The following CDHR2 variants were observed in gnomAD, a reference collection of about 807,000 sequenced individuals.
The protein encoded by CDHR2 is cadherin related family member 2.
A neutral mutation model predicts 138.6 loss-of-function variants in CDHR2; 104 were observed. That is an observed-to-expected ratio of 0.75 (90% CI 0.64 to 0.88). The LOEUF (loss-of-function observed/expected upper bound fraction) is 0.88. Ranked by LOEUF, CDHR2 falls within the 40% of genes least tolerant of loss-of-function variation. The pLI is 0.00. For synonymous variants in CDHR2, 755 were observed against 742.8 expected (o/e 1.02, Z -0.27); for missense variants, 1,624 against 1,727.6 (o/e 0.94, Z 1.06).
At chr5:176,580,953 G>A (rs1413484359) in intron 16 of CDHR2, among the ~76,000 whole-genome samples, 1 of 151,092 alleles carries the variant, frequency 6.6e-6, no homozygotes. Flanking sequence ...AATCTTGCTG[G>A]ACTTCACACT....
chr5:176,558,733 G>A (rs1248381296), intron 1 of CDHR2, among the ~76,000 whole-genome samples: 1 of 151,426 alleles, frequency 6.6e-6, no homozygotes, highest in African/African-American at 2.4e-5. Context: ...TGTTAGCCAG[G>A]ATGGTCTCGA....
chr5:176,565,365 TG>T lies in CDHR2; in HGVS notation c.15del (p.Trp5CysfsTer23), dbSNP rs1440251540. 6.2e-6 allele frequency: 10 copies of T among 1,614,004 alleles called. No homozygotes were observed. Among genetic ancestry groups the T allele is most frequent in the African/African-American group, 1.3e-5 (1 of 74,918 alleles). On this transcript the variant is annotated frameshift_variant, in exon 2 of 32. Transcript: ENST00000261944. LOFTEE classifies it high-confidence loss of function. The stretch of plus-strand genomic sequence containing the variant: ...CCCTGCGGATGTGATGGCCCAGCTA[TG>T]GCTGTCCTGCTTCCTCCTTCCTGCC... MAQL[W>X]LSCFLLPALV...
At chr5:176,547,256 C>T (rs545846463), upstream of CDHR2, among the ~76,000 whole-genome samples, 9 of 152,168 alleles carry the variant, frequency 5.9e-5, no homozygotes, top group African/African-American at 1.7e-4. Context: ...GGATTACAGG[C>T]GCGAGCCACC....
rs756844508 is a variant in CDHR2 at position 176,584,156 on chromosome 5, G to A, written c.2059-34G>A. On this transcript the variant is annotated intron_variant, in intron 17 of 31. Transcript: ENST00000261944. ...ATTGGCTCTGGGGAGGGTGAGATTG[G>A]ATCCCGGGGACTCAGACCTGTCTCT... 8 of 1,592,546 alleles carry A rather than the reference G, an allele frequency of 5.0e-6. No individual in the cohort carries two copies. The East Asian group carries it at 1.1e-4, about 22-fold the overall frequency.
chr5:176,584,666 C>T lies in CDHR2; in HGVS notation c.2385C>T (p.Cys795=), dbSNP rs151175858. Residue 795 remains cysteine (C), a synonymous_variant, in exon 19 of 32, where the codon TGC becomes TGT. Transcript: ENST00000261944. ...GGGGTGAGACCATAGTAGACGTCTG[C>T]GTGAATGTGAAAGACGTGAACGACA... The part of the protein sequence containing the change: ...PQGGETIVDV[C]VNVKDVNDNP... The T allele has an allele frequency of 1.4e-3, 2,321 of 1,614,012 alleles. 4 individuals carry two copies. Among genetic ancestry groups the T allele is most frequent in the Admixed American group, 2.4e-3 (147 of 60,014 alleles).
At chr5:176,575,680 C>A in intron 10 of CDHR2, 44 bp from the exon 11 acceptor site, 1 of 1,595,702 alleles carries the variant, frequency 6.3e-7, no homozygotes, top group Non-Finnish European at 8.6e-7. Flanking sequence ...CCGTCAGAGC[C>A]ACTGGAGCAG....
In CDHR2 at chr5:176,568,729, C is replaced by T. The variant is rs917384712; in HGVS notation, c.176C>T (p.Thr59Ile). The T allele has an allele frequency of 3.7e-6, 6 of 1,614,104 alleles. No individual in the cohort carries two copies. In the African/African-American group the frequency reaches 6.7e-5, roughly 18 times the overall value. ...GAAGACCAGGACAATGACCCTCTGA[C>T]CTATGGGATGAGCGGCCCCAATGCC... ...VAEDQDNDPL[T>I]YGMSGPNAYF... The change falls in exon 4 of 32, where the codon ACC becomes ATC. Residue 59 changes from threonine (T) to isoleucine (I), a missense_variant. Transcript: ENST00000261944.
intron 31 of CDHR2, among the ~76,000 whole-genome samples, chr5:176,595,131 T>C (rs1758990306): frequency 6.6e-6 from 1 of 152,148 alleles, no homozygotes. Context: ...CTCAGAGGGT[T>C]TCAGTGGGTA....
rs1183249041 is a variant in CDHR2 at position 176,581,397 on chromosome 5, C to T, written c.1873C>T (p.Leu625=). Residue 625 remains leucine (L), a synonymous_variant, in exon 17 of 32, where the codon CTG becomes TTG. Transcript: ENST00000261944. Reference sequence around the variant, plus strand: ...CAACAGCCGTCTGCTCTTCAACCTGCTGCCTGGCCCCTACAGCCACAACTT... The same window carrying T: ...CAACAGCCGTCTGCTCTTCAACCTGTTGCCTGGCCCCTACAGCCACAACTT... ...TNNSRLLFNL[L]PGPYSHNFSL... 1.2e-6 allele frequency: 2 copies of T among 1,614,018 alleles called. No homozygotes were observed. The highest frequency in any genetic ancestry group is 1.7e-6 in the Non-Finnish European group (2 of 1,180,044).
In CDHR2 at chr5:176,577,702, C is replaced by T. The variant is rs116171786; in HGVS notation, c.1416C>T (p.Asp472=). 748 of 1,614,230 alleles carry T rather than the reference C, an allele frequency of 4.6e-4. 12 individuals carry two copies. In the East Asian group the frequency reaches 0.013, roughly 28 times the overall value. The change falls in exon 14 of 32, where the codon GAC becomes GAT. Residue 472 remains aspartate, a synonymous_variant. Transcript: ENST00000261944. The part of the protein sequence containing the change: ...SVAMVTIHLR[D]INDHRPTFPQ... Reference sequence around the variant, plus strand: ...CCATGGTGACCATCCACCTTAGAGACATTAATGACCACAGGCCCACGTTTC... The same window carrying T: ...CCATGGTGACCATCCACCTTAGAGATATTAATGACCACAGGCCCACGTTTC...
intron 5 of CDHR2, among the ~76,000 whole-genome samples, chr5:176,569,631 C>T (rs1253393588): frequency 1.3e-5 from 2 of 152,136 alleles, no homozygotes; most frequent in Non-Finnish European, 2.9e-5. Context: ...GTGCCAAATA[C>T]CTCTCCACCC....
intron 15 of CDHR2, 75 bp from the exon 16 acceptor site, chr5:176,578,290 T>C: frequency 7.1e-7 from 1 of 1,411,644 alleles, no homozygotes; most frequent in Admixed American, 2.0e-5. Context: ...GAAATATTTG[T>C]TGTTGTATAT....
intron 31 of CDHR2, among the ~76,000 whole-genome samples, chr5:176,593,658 AT>A (rs1306647978): frequency 6.6e-6 from 1 of 152,070 alleles, no homozygotes. Flanking sequence ...ATCCACCCAC[AT>A]TTTCCCCCAG....
At chr5:176,561,264 C>A (rs543590573) in intron 1 of CDHR2, among the ~76,000 whole-genome samples, 59 of 152,264 alleles carry the variant, frequency 3.9e-4, no homozygotes, top group Middle Eastern at 3.4e-3. Context: ...CAAGGTTATG[C>A]TGGATTTGGA....
Position 176,578,566 on chromosome 5 carries a change from CT to C in CDHR2, c.1778del (p.Phe593SerfsTer11). The C allele has an allele frequency of 6.2e-7, 1 of 1,613,794 alleles. No homozygotes were observed. The highest frequency in any genetic ancestry group is 8.5e-7 in the Non-Finnish European group (1 of 1,180,030). On this transcript the variant is annotated frameshift_variant, in exon 16 of 32. Transcript: ENST00000261944. LOFTEE classifies it high-confidence loss of function. ...CCGTGGTTAGCGGCTCCTACAACAT[CT>C]TCGTCCAGGAGGAGGAGGGCAATGT... Reference protein sequence around the residue: ...APVVSGSYNIFVQEEEGNVSV... With the variant: ...APVVSGSYNIXVQEEEGNVSV...
intron 16 of CDHR2, 100 bp downstream of exon 16, chr5:176,578,708 G>A: frequency 6.6e-7 from 1 of 1,507,280 alleles, no homozygotes; most frequent in Non-Finnish European, 9.0e-7. Context: ...TCCGCTGTGT[G>A]GCTCTGAGAC....
At chr5:176,592,186 AGGTGATGAT>A (rs1194088753) in intron 30 of CDHR2, among the ~76,000 whole-genome samples, 1 of 113,548 alleles carries the variant, frequency 8.8e-6, no homozygotes, top group Non-Finnish European at 1.8e-5. Flanking sequence ...GTTGGTGTTG[AGGTGATGAT>A]GGTGCTGATG....
chr5:176,548,120 CAG>C (rs1314420434), upstream of CDHR2, among the ~76,000 whole-genome samples: 7 of 152,172 alleles, frequency 4.6e-5, 1 homozygote, highest in African/African-American at 1.4e-4. Context: ...AACTGTAACA[CAG>C]GGGTAAGTAT....
At chr5:176,594,918 G>A (rs1758984119) in intron 31 of CDHR2, among the ~76,000 whole-genome samples, 1 of 152,176 alleles carries the variant, frequency 6.6e-6, no homozygotes, top group African/African-American at 2.4e-5. Context: ...GAGTGAGTGT[G>A]TGCCATGATA....
Sources: gnomAD v4.1 joint callset for allele counts (sites outside exome capture counted in the v4.1 genomes callset) on GRCh38, gnomAD v4.1.1 for gene constraint, MANE v1.5 for transcripts, NCBI Gene and HGNC (gene_info 2026-07-23, HGNC 2026-07-21) for gene names.